CSGALNACT1: variants seen among roughly 807,000 people sequenced by gnomAD.
CSGALNACT1 encodes the protein beta4GalNAcT-1.
In CSGALNACT1, 52 loss-of-function variants were observed where a neutral mutation model predicts 51.0. The observed-to-expected ratio is 1.02, with a 90% CI of 0.82 to 1.29. The LOEUF (loss-of-function observed/expected upper bound fraction) is 1.29, where lower values mean the gene tolerates loss of function less well. Among genes scored for constraint, CSGALNACT1 ranks in the 50% most tolerant of loss-of-function variants. The pLI is 0.00. For synonymous variants in CSGALNACT1, 341 were observed against 254.4 expected (o/e 1.34, Z -3.24); for missense variants, 935 against 679.2 (o/e 1.38, Z -4.19).
At chr8:19,548,028 A>G (rs902297649) in intron 3 of CSGALNACT1, among the ~76,000 whole-genome samples, 7 of 152,200 alleles carry the variant, frequency 4.6e-5, no homozygotes, top group Non-Finnish European at 1.0e-4. Flanking sequence ...CATCGCTCAC[A>G]TTAACTCTGT....
intron 3 of CSGALNACT1, among the ~76,000 whole-genome samples, chr8:19,535,508 A>C (rs967160302): frequency 6.6e-6 from 1 of 152,236 alleles, no homozygotes; most frequent in Non-Finnish European, 1.5e-5. Context: ...TATATAAACT[A>C]GTTCTCAAAA....
intron 1 of CSGALNACT1, among the ~76,000 whole-genome samples, chr8:19,633,113 A>T (rs2154171230): frequency 6.6e-6 from 1 of 152,132 alleles, no homozygotes; most frequent in Non-Finnish European, 1.5e-5. Context: ...GGCTGGTAAG[A>T]ATAAATGATG....
At chr8:19,733,840 G>T (rs1365909875) in intron 1 of CSGALNACT1, among the ~76,000 whole-genome samples, 1 of 152,046 alleles carries the variant, frequency 6.6e-6, no homozygotes, top group African/African-American at 2.4e-5. Flanking sequence ...AAAGTAGCCA[G>T]AAGGGAACCT....
intron 3 of CSGALNACT1, among the ~76,000 whole-genome samples, chr8:19,556,836 A>C (rs1163632375): frequency 1.3e-5 from 2 of 152,136 alleles, no homozygotes; most frequent in Admixed American, 6.5e-5. Flanking sequence ...GTACAACAGG[A>C]TGAAGTTTCC....
At chr8:19,472,124 G>A (rs1049183262) in intron 4 of CSGALNACT1, among the ~76,000 whole-genome samples, 13 of 152,158 alleles carry the variant, frequency 8.5e-5, no homozygotes, top group African/African-American at 3.1e-4. Context: ...AGTCAGCAAG[G>A]GTAGAGGCAA....
At chr8:19,462,498 C>T (rs1160848427) in intron 4 of CSGALNACT1, among the ~76,000 whole-genome samples, 1 of 152,134 alleles carries the variant, frequency 6.6e-6, no homozygotes, top group Non-Finnish European at 1.5e-5. Flanking sequence ...CTAGAGAATG[C>T]AGTAAATCTT....
chr8:19,637,383 T>C (rs988090205), intron 1 of CSGALNACT1, among the ~76,000 whole-genome samples: 9 of 152,228 alleles, frequency 5.9e-5, no homozygotes, highest in Admixed American at 2.6e-4. Context: ...ATTTACCATA[T>C]GCACTTGGGA....
chr8:19,452,828 G>A (rs906672508), intron 5 of CSGALNACT1, among the ~76,000 whole-genome samples: 1 of 151,946 alleles, frequency 6.6e-6, no homozygotes, highest in Non-Finnish European at 1.5e-5. Flanking sequence ...CCATCCCAGG[G>A]CTCAGAAGAG....
chr8:19,676,042 T>C (rs2060152708), intron 1 of CSGALNACT1, among the ~76,000 whole-genome samples: 1 of 143,262 alleles, frequency 7.0e-6, no homozygotes, highest in Admixed American at 7.4e-5. Flanking sequence ...CAGAACTACT[T>C]GCAGCCTGAA....
intron 3 of CSGALNACT1, among the ~76,000 whole-genome samples, chr8:19,539,807 A>C (rs2084665597): frequency 6.6e-6 from 1 of 151,994 alleles, no homozygotes; most frequent in Non-Finnish European, 1.5e-5. Context: ...CCCCTCCTAC[A>C]CCCCTGCTGA....
At chr8:19,443,776 C>G (rs1308795250) in intron 5 of CSGALNACT1, among the ~76,000 whole-genome samples, 1 of 152,136 alleles carries the variant, frequency 6.6e-6, no homozygotes, top group Non-Finnish European at 1.5e-5. Context: ...TCCAGAAACC[C>G]CCTGGGGATA....
intron 1 of CSGALNACT1, among the ~76,000 whole-genome samples, chr8:19,620,905 G>A (rs2053739221): frequency 6.6e-6 from 1 of 152,106 alleles, no homozygotes; most frequent in African/African-American, 2.4e-5. Flanking sequence ...CCCTTAAGTG[G>A]GGGCTGTGAG....
chr8:19,588,558 A>C (rs1333873181), intron 3 of CSGALNACT1, among the ~76,000 whole-genome samples: 1 of 152,192 alleles, frequency 6.6e-6, no homozygotes, highest in East Asian at 1.9e-4. Context: ...CAATAGACAA[A>C]TTTACTGAGG....
At chr8:19,472,988 A>T (rs1241506472) in intron 4 of CSGALNACT1, among the ~76,000 whole-genome samples, 2 of 152,218 alleles carry the variant, frequency 1.3e-5, no homozygotes, top group East Asian at 1.9e-4. Context: ...TATTATTATC[A>T]TGTCATTCTA....
At chr8:19,480,730 C>T (rs1040309386) in intron 4 of CSGALNACT1, among the ~76,000 whole-genome samples, 1 of 152,148 alleles carries the variant, frequency 6.6e-6, no homozygotes, top group Admixed American at 6.6e-5. Context: ...AGAAGTAAAA[C>T]GTGTATTTAC....
intron 1 of CSGALNACT1, among the ~76,000 whole-genome samples, chr8:19,656,426 G>C (rs1440561991): frequency 1.3e-5 from 2 of 152,028 alleles, no homozygotes; most frequent in African/African-American, 2.4e-5. Flanking sequence ...AGTGCCAGAA[G>C]AAACTTAGCA....
At chr8:19,518,588 T>C (rs1480785400) in intron 3 of CSGALNACT1, among the ~76,000 whole-genome samples, 1 of 152,206 alleles carries the variant, frequency 6.6e-6, no homozygotes, top group Non-Finnish European at 1.5e-5. Context: ...CAGTCCTTTT[T>C]CTGCTCTGAG....
chr8:19,412,986 C>G (rs1430902968), intron 8 of CSGALNACT1, among the ~76,000 whole-genome samples: 1 of 152,090 alleles, frequency 6.6e-6, no homozygotes, highest in Non-Finnish European at 1.5e-5. Flanking sequence ...TTGCCAAGCC[C>G]AAAACAATTC....
At chr8:19,685,962 A>G (rs1487600019), upstream of CSGALNACT1, among the ~76,000 whole-genome samples, 1 of 152,312 alleles carries the variant, frequency 6.6e-6, no homozygotes, top group Non-Finnish European at 1.5e-5. Context: ...CCATCTACCC[A>G]TACTCATGTA....
Sources: gnomAD v4.1 joint callset for allele counts (sites outside exome capture counted in the v4.1 genomes callset) on GRCh38, gnomAD v4.1.1 for gene constraint, MANE v1.5 for transcripts, NCBI Gene and HGNC (gene_info 2026-07-23, HGNC 2026-07-21) for gene names.